Variants in SLC14A2 observed in about 807,000 individuals in gnomAD.
SLC14A2 encodes solute carrier family 14 member 2, also known as urea transporter 2.
A neutral mutation model predicts 104.6 loss-of-function variants in SLC14A2; 91 were observed. The ratio of observed to expected loss-of-function variants is 0.87; its 90% CI spans 0.73 to 1.04. SLC14A2 has a LOEUF of 1.04. Ranked by LOEUF, SLC14A2 falls within the 50% of genes least tolerant of loss-of-function variation. The probability of loss-of-function intolerance (pLI) is 0.00; values close to 1 mark genes in which losing one functional copy is unlikely to be tolerated. For synonymous variants in SLC14A2, 476 were observed against 466.4 expected (o/e 1.02, Z -0.27); for missense variants, 1,189 against 1,156.0 (o/e 1.03, Z -0.41).
rs141104977 is a variant in SLC14A2, at chr18:45,433,816, A to C, written c.-124-49417A>C. On this transcript the variant is annotated intron_variant, in intron 1 of 20. Transcript: ENST00000586448. ...ATGGGTATGGAGATCCTGAGTGGACACTGAGGATGACAATAGTTTTAAAAA... is the reference window on the plus strand; with the variant it reads ...ATGGGTATGGAGATCCTGAGTGGACCCTGAGGATGACAATAGTTTTAAAAA... 8.6e-4 allele frequency among the ~76,000 whole-genome samples: 131 copies of C among 152,310 alleles called. 1 individual carries two copies. Among genetic ancestry groups the C allele is most frequent in the African/African-American group, 2.9e-3 (121 of 41,572 alleles).
chr18:45,608,940 C>T (rs2044922030), intron 2 of SLC14A2, among the ~76,000 whole-genome samples: 1 of 152,166 alleles, frequency 6.6e-6, no homozygotes, highest in Non-Finnish European at 1.5e-5. Context: ...CAGAGGATGT[C>T]TATTTCAAAG....
intron 1 of SLC14A2, among the ~76,000 whole-genome samples, chr18:45,400,153 A>C (rs1341409713): frequency 6.6e-6 from 1 of 152,236 alleles, no homozygotes; most frequent in East Asian, 1.9e-4. Context: ...CAGAGACCCC[A>C]ATCAAGTTAC....
chr18:45,491,099 TC>T (rs1302943947), intron 2 of SLC14A2, among the ~76,000 whole-genome samples: 2 of 152,216 alleles, frequency 1.3e-5, no homozygotes, highest in Non-Finnish European at 2.9e-5. Flanking sequence ...TAGTTTTATG[TC>T]TAAATATAAT....
chr18:45,268,380 C>T (rs2084614146), intron 1 of SLC14A2, among the ~76,000 whole-genome samples: 1 of 152,030 alleles, frequency 6.6e-6, no homozygotes, highest in African/African-American at 2.4e-5. Flanking sequence ...ATGCTGAGAA[C>T]TAATACATAT....
intron 1 of SLC14A2, among the ~76,000 whole-genome samples, chr18:45,401,631 T>G (rs970179791): frequency 5.3e-5 from 8 of 152,234 alleles, no homozygotes; most frequent in Admixed American, 5.2e-4. Flanking sequence ...AAAAGTGGCC[T>G]AATCTATCTT....
At chr18:45,303,097 G>T (rs137939026) in intron 1 of SLC14A2, among the ~76,000 whole-genome samples, 1 of 152,180 alleles carries the variant, frequency 6.6e-6, no homozygotes, top group African/African-American at 2.4e-5. Context: ...GCATTGAAAC[G>T]ATTTGCAAAT....
chr18:45,186,644 A>ACTG, the SLC14A2 span, among the ~76,000 whole-genome samples: 1 of 152,214 alleles, frequency 6.6e-6, no homozygotes, highest in East Asian at 1.9e-4. Flanking sequence ...TGCAGGACAA[A>ACTG]CTGCCACTCC....
At chr18:45,475,338 G>A (rs1056802500) in intron 1 of SLC14A2, among the ~76,000 whole-genome samples, 2 of 151,980 alleles carry the variant, frequency 1.3e-5, no homozygotes, top group South Asian at 2.1e-4. Flanking sequence ...TGAGAAGAAT[G>A]TATATTCTGT....
intron 1 of SLC14A2, among the ~76,000 whole-genome samples, chr18:45,410,579 C>T (rs759796067): frequency 2.6e-5 from 4 of 152,148 alleles, no homozygotes; most frequent in Non-Finnish European, 5.9e-5. Context: ...AGCTACAGCA[C>T]TGAGGAATAT....
At chr18:45,568,767 TG>T (rs2044303665) in intron 2 of SLC14A2, among the ~76,000 whole-genome samples, 1 of 152,186 alleles carries the variant, frequency 6.6e-6, no homozygotes, top group Admixed American at 6.5e-5. Context: ...AGCTAACCCT[TG>T]GTTGTCTTAA....
chr18:45,501,959 A>C (rs1031892275), intron 2 of SLC14A2, among the ~76,000 whole-genome samples: 1 of 152,232 alleles, frequency 6.6e-6, no homozygotes, highest in African/African-American at 2.4e-5. Context: ...TCTTGAGAAA[A>C]GTATAAGCTC....
chr18:45,628,021 GAAAAGA>G (rs1327391871), intron 4 of SLC14A2, among the ~76,000 whole-genome samples: 2 of 135,108 alleles, frequency 1.5e-5, no homozygotes, highest in Admixed American at 7.3e-5. Context: ...AAAAAAAAAA[GAAAAGA>G]AAAAGAAAAA....
chr18:45,418,778 T>C (rs888780972), intron 1 of SLC14A2, among the ~76,000 whole-genome samples: 5 of 152,180 alleles, frequency 3.3e-5, no homozygotes, highest in Non-Finnish European at 7.3e-5. Context: ...AGTTGTTTCA[T>C]CATCTGAGGA....
chr18:45,372,924 A>G (rs1052419894), intron 1 of SLC14A2, among the ~76,000 whole-genome samples: 1 of 152,154 alleles, frequency 6.6e-6, no homozygotes, highest in Non-Finnish European at 1.5e-5. Context: ...TTCTTTTTTC[A>G]TGTTAAGTCC....
At chr18:45,236,009 GTA>G (rs1190727310) in intron 1 of SLC14A2, among the ~76,000 whole-genome samples, 2 of 54,680 alleles carry the variant, frequency 3.7e-5, no homozygotes, top group Non-Finnish European at 3.0e-5. Context: ...ATATATGTGT[GTA>G]TATATGTGTA....
At chr18:45,473,234 A>G (rs1213202304) in intron 1 of SLC14A2, among the ~76,000 whole-genome samples, 1 of 152,174 alleles carries the variant, frequency 6.6e-6, no homozygotes, top group Non-Finnish European at 1.5e-5. Flanking sequence ...CCATTGGTCT[A>G]TATATCTGCT....
chr18:45,599,623 C>G (rs2044760693), intron 2 of SLC14A2, among the ~76,000 whole-genome samples: 2 of 152,296 alleles, frequency 1.3e-5, no homozygotes, highest in South Asian at 2.1e-4. Context: ...CTCTGCACCT[C>G]CGGCAGGGAC....
intron 1 of SLC14A2, among the ~76,000 whole-genome samples, chr18:45,409,110 C>T (rs949833161): frequency 6.6e-6 from 1 of 152,116 alleles, no homozygotes; most frequent in Non-Finnish European, 1.5e-5. Flanking sequence ...GTAGAAGAGC[C>T]CTGGACTTGG....
chr18:45,259,037 C>T (rs1599620737), intron 1 of SLC14A2, among the ~76,000 whole-genome samples: 1 of 152,202 alleles, frequency 6.6e-6, no homozygotes, highest in South Asian at 2.1e-4. Flanking sequence ...ACGTGGATTT[C>T]CCTGAGCTCT....
Sources: allele counts gnomAD v4.1 joint callset (sites outside exome capture counted in the v4.1 genomes callset), GRCh38; gene constraint gnomAD v4.1.1; transcripts MANE v1.5; gene names NCBI Gene and HGNC (gene_info 2026-07-23, HGNC 2026-07-21).